CKAP5: variants seen among roughly 807,000 people sequenced by gnomAD.
CKAP5 encodes cytoskeleton associated protein 5, also known as cytoskeleton-associated protein 5.
CKAP5 carries 27 observed loss-of-function variants against 232.8 expected under a neutral mutation model. The ratio of observed to expected loss-of-function variants is 0.12; its 90% CI spans 0.09 to 0.16. The LOEUF (loss-of-function observed/expected upper bound fraction) is 0.16, where lower values mean the gene tolerates loss of function less well. Ranked by LOEUF, CKAP5 falls within the 10% of genes least tolerant of loss-of-function variation. The probability of loss-of-function intolerance (pLI) is 1.00; values close to 1 mark genes in which losing one functional copy is unlikely to be tolerated. For missense variants in CKAP5, 1,838 were observed against 2,424.7 expected, an observed-to-expected ratio of 0.76 and a Z score of 5.08; for synonymous variants, 785 against 841.1, an observed-to-expected ratio of 0.93 and a Z score of 1.16.
Position 46,798,091 on chromosome 11 carries a change from A to C in CKAP5, c.1165T>G (p.Phe389Val). Residue 389 changes from phenylalanine to valine, a missense_variant, in exon 10 of 44, where the codon TTC becomes GTC. Around this residue, in one of 6 missense-constraint regions of CKAP5, gnomAD observed 97 missense variants for 167.7 expected, o/e 0.58. Transcript: ENST00000529230. ...QALQEAIDAI[F>V]LTTTLQNISE... ...TCATGCTGTCAACTTACAGTAAGGAAGATTGCATCAATTGCCTCCTGCAGG... is the reference window on the plus strand; with the variant it reads ...TCATGCTGTCAACTTACAGTAAGGACGATTGCATCAATTGCCTCCTGCAGG... 6.2e-7 allele frequency: 1 copy of C among 1,613,812 alleles called. No individual in the cohort carries two copies. The highest frequency in any genetic ancestry group is 8.5e-7 in the Non-Finnish European group (1 of 1,179,762).
chr11:46,754,823 G>A, intron 36 of CKAP5, 65 bp downstream of exon 36: 1 of 1,405,428 alleles, frequency 7.1e-7, no homozygotes, highest in Non-Finnish European at 9.8e-7. Context: ...CATGGACTCT[G>A]GCTTTTGAAC....
intron 27 of CKAP5, among the ~76,000 whole-genome samples, chr11:46,766,508 G>A (rs1239625252): frequency 6.6e-6 from 1 of 152,144 alleles, no homozygotes; most frequent in Non-Finnish European, 1.5e-5. Context: ...TAGAAGAAAG[G>A]CCCTAGAGTG....
chr11:46,790,372 T>G, intron 14 of CKAP5, 98 bp downstream of exon 14: 1 of 938,236 alleles, frequency 1.1e-6, no homozygotes, highest in Non-Finnish European at 1.7e-6. Flanking sequence ...AAATATCAAT[T>G]AACTGTACGT....
chr11:46,767,601 C>G lies in CKAP5; in HGVS notation c.3385G>C (p.Ala1129Pro), dbSNP rs1346460659. ...TTTGCTTTAGAGGATAATCCTGGAG[C>G]TTTGGCCTTTTTTGGATCAGGTTTG... ...EPKPDPKKAK[A>P]PGLSSKAKSA... The change falls in exon 27 of 44, where the codon GCT becomes CCT. Residue 1129 changes from alanine to proline, a missense_variant. Physicochemically the swap from Ala to Pro is conservative, Grantham distance 27. Around this residue, in one of 6 missense-constraint regions of CKAP5, gnomAD observed 767 missense variants for 954.6 expected, o/e 0.80. Coordinates refer to ENST00000529230, the MANE Select transcript of CKAP5 (RefSeq NM_001008938.4). 1.2e-6 allele frequency: 2 copies of G among 1,612,414 alleles called. No homozygotes were observed. Among genetic ancestry groups the G allele is most frequent in the South Asian group, 2.2e-5 (2 of 90,906 alleles).
chr11:46,788,832 G>T, intron 15 of CKAP5, 59 bp from the exon 16 acceptor site: 1 of 1,231,838 alleles, frequency 8.1e-7, no homozygotes, highest in Non-Finnish European at 1.2e-6. Context: ...CAAAGGAAGA[G>T]TAAATACCAA....
At chr11:46,754,321 A>T (rs748848745) in intron 36 of CKAP5, among the ~76,000 whole-genome samples, 3 of 152,138 alleles carry the variant, frequency 2.0e-5, no homozygotes, top group African/African-American at 4.8e-5. Context: ...TACATGTGAA[A>T]TTATTTACTG....
chr11:46,779,786 A>G (rs2065323788), intron 20 of CKAP5, among the ~76,000 whole-genome samples: 1 of 149,938 alleles, frequency 6.7e-6, no homozygotes. Context: ...TGCCTGGCTA[A>G]TTTTTTGATT....
intron 16 of CKAP5, among the ~76,000 whole-genome samples, chr11:46,788,052 G>A (rs912882662): frequency 2.0e-5 from 3 of 152,074 alleles, no homozygotes; most frequent in East Asian, 3.8e-4. Flanking sequence ...TTACTTTATT[G>A]TAAGAATACA....
chr11:46,802,801 C>T (rs1014341006), intron 8 of CKAP5, among the ~76,000 whole-genome samples: 1 of 152,120 alleles, frequency 6.6e-6, no homozygotes, highest in Admixed American at 6.6e-5. Context: ...GAAAGAAGTT[C>T]TACTTGGCAC....
chr11:46,821,325 A>G (rs1939519551), intron 1 of CKAP5, 57 bp from the exon 2 acceptor site: 3 of 789,964 alleles, frequency 3.8e-6, no homozygotes, highest in Admixed American at 4.8e-5. Flanking sequence ...TAAGACAAAA[A>G]TAACTTTTCT....
Position 46,763,521 on chromosome 11 carries a change from T to C in CKAP5, c.3647A>G (p.Asp1216Gly), listed in dbSNP as rs2065174509. 6 of 1,603,826 alleles carry C rather than the reference T, an allele frequency of 3.7e-6. No homozygotes were observed. The highest frequency in any genetic ancestry group is 4.2e-6 in the Non-Finnish European group (5 of 1,176,754). The part of the protein sequence containing the change: ...KWLQDEMFHS[D>G]FQHHNKALAV... ...AAGGGCTTTGTTATGATGCTGAAAG[T>C]CTGAGTGAAACATCTCATCTTGTAA... Residue 1216 changes from aspartate to glycine, a missense_variant, in exon 29 of 44, where the codon GAC becomes GGC. Asp to Gly is a moderately conservative substitution (Grantham distance 94). Coordinates refer to ENST00000529230, the MANE Select transcript of CKAP5 (RefSeq NM_001008938.4).
intron 1 of CKAP5, among the ~76,000 whole-genome samples, chr11:46,836,714 G>C (rs1047631599): frequency 2.0e-5 from 3 of 152,164 alleles, no homozygotes; most frequent in African/African-American, 4.8e-5. Context: ...ATAGAGTTTG[G>C]CAGTTTCTTA....
At position 46,744,477 on chromosome 11, in the gene CKAP5, G is replaced by A; in HGVS notation, c.5805C>T (p.Tyr1935=). The A allele has an allele frequency of 1.9e-6, 3 of 1,614,154 alleles. No individual in the cohort carries two copies. The highest frequency in any genetic ancestry group is 2.5e-6 in the Non-Finnish European group (3 of 1,180,036). Reference sequence around the variant, plus strand: ...GTCGGAGGATCTTTAGCCTTTCCAAGTAGACAGATGGCCCCACTTCTTCCC... The same window carrying A: ...GTCGGAGGATCTTTAGCCTTTCCAAATAGACAGATGGCCCCACTTCTTCCC... ...TNGEEVGPSV[Y]LERLKILRQR... is the part of the protein sequence containing the mutation. Residue 1935 remains tyrosine (Y), a synonymous_variant, in exon 43 of 44, where the codon TAC becomes TAT. Transcript: ENST00000529230.
chr11:46,788,830 G>T, intron 15 of CKAP5, 57 bp from the exon 16 acceptor site: 1 of 1,245,728 alleles, frequency 8.0e-7, no homozygotes, highest in South Asian at 1.3e-5. Context: ...TCCAAAGGAA[G>T]AGTAAATACC....
chr11:46,783,078 T>C (rs2065357241), intron 18 of CKAP5, 196 bp downstream of exon 18: 1 of 375,582 alleles, frequency 2.7e-6, no homozygotes, highest in Admixed American at 4.5e-5. Flanking sequence ...TAGAGAACTC[T>C]TTCAGTGAAC....
At chr11:46,815,929 C>T (rs545742290) in intron 4 of CKAP5, among the ~76,000 whole-genome samples, 105 of 152,242 alleles carry the variant, frequency 6.9e-4, no homozygotes, top group African/African-American at 2.0e-3. Flanking sequence ...AGCTACCAAG[C>T]GAGAATTACC....
chr11:46,806,643 C>T (rs1172162119), intron 8 of CKAP5, among the ~76,000 whole-genome samples: 2 of 152,212 alleles, frequency 1.3e-5, no homozygotes, highest in Non-Finnish European at 2.9e-5. Context: ...CATATCTCTG[C>T]CTCCAAGTCC....
At position 46,760,751 on chromosome 11, in the gene CKAP5, T is replaced by G; in HGVS notation, c.4255A>C (p.Arg1419=). The change falls in exon 33 of 44, where the codon AGG becomes CGG. Residue 1419 remains arginine (R), a synonymous_variant. Coordinates refer to ENST00000529230, the MANE Select transcript of CKAP5 (RefSeq NM_001008938.4). The stretch of plus-strand genomic sequence containing the variant: ...GGTCTCTTTGCTGACCGCTTAATCC[T>G]CTCCTCGAGCATGCTCATATCCTTT... The part of the protein sequence containing the change: ...SEKDMSMLEE[R]IKRSAKRPSA... The G allele has an allele frequency of 1.2e-6, 2 of 1,614,174 alleles. No individual in the cohort carries two copies. Among genetic ancestry groups the G allele is most frequent in the Non-Finnish European group, 1.7e-6 (2 of 1,180,022 alleles).
intron 31 of CKAP5, 102 bp downstream of exon 31, chr11:46,762,525 C>T: frequency 7.1e-7 from 1 of 1,404,460 alleles, no homozygotes; most frequent in South Asian, 1.2e-5. Flanking sequence ...TTGGAATCAA[C>T]TACATAGGCA....
Sources: gnomAD v4.1 joint callset for allele counts (sites outside exome capture counted in the v4.1 genomes callset) on GRCh38, gnomAD v4.1.1 for gene constraint, gnomAD v4.1.1 regional missense constraint, MANE v1.5 for transcripts, NCBI Gene and HGNC (gene_info 2026-07-23, HGNC 2026-07-21) for gene names.